The following SRGAP3 variants were observed in gnomAD, a reference collection of about 807,000 sequenced individuals.
SRGAP3 encodes the protein SLIT-ROBO Rho GTPase-activating protein 3.
A neutral mutation model predicts 121.1 loss-of-function variants in SRGAP3; 39 were observed. The ratio of observed to expected loss-of-function variants is 0.32; its 90% CI spans 0.25 to 0.42. SRGAP3 has a LOEUF of 0.42. Ranked by LOEUF, SRGAP3 falls within the 10% of genes least tolerant of loss-of-function variation. The probability of loss-of-function intolerance (pLI) is 1.00; values close to 1 mark genes in which losing one functional copy is unlikely to be tolerated. For synonymous variants in SRGAP3, 601 were observed against 570.0 expected (o/e 1.05, Z -0.77); for missense variants, 1,213 against 1,470.6 (o/e 0.82, Z 2.86).
At chr3:9,181,803 G>A (rs1336976358) in intron 1 of SRGAP3, among the ~76,000 whole-genome samples, 2 of 152,214 alleles carry the variant, frequency 1.3e-5, no homozygotes, top group Non-Finnish European at 2.9e-5. Flanking sequence ...AATTGTTACA[G>A]GTTGAACTCT....
At chr3:9,314,396 T>C (rs1955307755) in intron 3 of SRGAP3, among the ~76,000 whole-genome samples, 1 of 148,892 alleles carries the variant, frequency 6.7e-6, no homozygotes, top group African/African-American at 2.5e-5. Context: ...TCTCGAAGAA[T>C]AAAGAAGAGA....
intron 2 of SRGAP3, among the ~76,000 whole-genome samples, chr3:9,124,450 A>G (rs553121362): frequency 1.3e-5 from 2 of 152,286 alleles, no homozygotes; most frequent in East Asian, 3.9e-4. Flanking sequence ...TAACAGCAAC[A>G]ATTGATTGAG....
At chr3:9,053,337 T>C in intron 8 of SRGAP3, 113 bp from the exon 9 acceptor site, 1 of 1,070,908 alleles carries the variant, frequency 9.3e-7, no homozygotes, top group Admixed American at 2.0e-5. Context: ...CCCTAGGATA[T>C]AGGCAGAACA....
At chr3:9,244,458 A>T (rs952944007) in intron 1 of SRGAP3, among the ~76,000 whole-genome samples, 8 of 152,176 alleles carry the variant, frequency 5.3e-5, no homozygotes, top group African/African-American at 1.9e-4. Flanking sequence ...AAAGCACCAA[A>T]GTCAATCATT....
intron 1 of SRGAP3, among the ~76,000 whole-genome samples, chr3:9,173,785 C>T (rs1055070234): frequency 1.2e-4 from 18 of 152,096 alleles, no homozygotes; most frequent in East Asian, 9.7e-4. Flanking sequence ...ATTCTCTCCC[C>T]GAACACTGCT....
rs1054007348 is a variant in SRGAP3, at chr3:9,046,309, C to T, written c.1408+1082G>A. 1.9e-4 allele frequency among the ~76,000 whole-genome samples: 29 copies of T among 152,284 alleles called. 1 individual carries two copies. Among genetic ancestry groups the T allele is most frequent in the Admixed American group, 1.3e-3 (20 of 15,302 alleles). On this transcript the variant is annotated intron_variant, in intron 10 of 21. Transcript: ENST00000383836. The stretch of plus-strand genomic sequence containing the variant: ...GTGGGGTGCTGACTGCAAAGGAGCA[C>T]GAGGGAATTTTTGAGGGTGACTGAA...
At chr3:9,304,359 C>A (rs1955121431) in intron 3 of SRGAP3, among the ~76,000 whole-genome samples, 1 of 152,188 alleles carries the variant, frequency 6.6e-6, no homozygotes, top group Non-Finnish European at 1.5e-5. Context: ...TAGACTTTGG[C>A]TCCTTAGCAC....
At chr3:9,097,338 A>T (rs1948027296) in intron 3 of SRGAP3, among the ~76,000 whole-genome samples, 1 of 152,128 alleles carries the variant, frequency 6.6e-6, no homozygotes, top group Non-Finnish European at 1.5e-5. Context: ...TACCAGGTAG[A>T]CATTTCATAT....
chr3:9,086,454 G>C (rs1383485490), intron 3 of SRGAP3, among the ~76,000 whole-genome samples: 2 of 150,936 alleles, frequency 1.3e-5, no homozygotes, highest in Non-Finnish European at 3.0e-5. Flanking sequence ...TGGTAGGTAG[G>C]GGTTGCAGGG....
intron 1 of SRGAP3, among the ~76,000 whole-genome samples, chr3:9,232,202 CACTT>C (rs772078807): frequency 3.1e-4 from 47 of 152,322 alleles, no homozygotes; most frequent in South Asian, 1.2e-3. Context: ...TTGCAGGTGT[CACTT>C]TCTTTCTTTT....
intron 1 of SRGAP3, among the ~76,000 whole-genome samples, chr3:9,201,171 T>C (rs1284771242): frequency 6.6e-6 from 1 of 152,182 alleles, no homozygotes; most frequent in African/African-American, 2.4e-5. Flanking sequence ...AGACCAGACA[T>C]GAAGGACGGT....
Position 9,026,807 on chromosome 3 carries a change from CT to C in SRGAP3, c.1600+127del, listed in dbSNP as rs1944229390. 3.9e-6 allele frequency: 4 copies of C among 1,036,114 alleles called. No homozygotes were observed. The East Asian group carries it at 9.5e-5, about 25-fold the overall frequency. The allele number at this position is 1,036,114 out of a possible 1,614,324, so 64.2% of individuals were successfully genotyped here. On this transcript the variant is annotated intron_variant, in intron 13 of 21. Transcript: ENST00000383836. Reference sequence around the variant, plus strand: ...AGAAGAGCAGCTGCTGTGTGCAGTACTTTCCCCCTCCAAAGCAGAGCTGTGA... The same window carrying C: ...AGAAGAGCAGCTGCTGTGTGCAGTACTTCCCCCTCCAAAGCAGAGCTGTGA...
chr3:9,273,895 A>G (rs541892917), intron 3 of SRGAP3, among the ~76,000 whole-genome samples: 2 of 151,992 alleles, frequency 1.3e-5, no homozygotes, highest in Non-Finnish European at 2.9e-5. Context: ...AAAAATCATT[A>G]GACCATATAC....
At chr3:9,032,210 G>A (rs1053014034) in intron 12 of SRGAP3, among the ~76,000 whole-genome samples, 34 of 152,080 alleles carry the variant, frequency 2.2e-4, no homozygotes, top group African/African-American at 5.3e-4. Context: ...AAAAATTCAC[G>A]TGTATAAAAA....
intron 1 of SRGAP3, among the ~76,000 whole-genome samples, chr3:9,231,244 T>TG (rs972264587): frequency 6.0e-4 from 92 of 152,246 alleles, no homozygotes; most frequent in African/African-American, 2.0e-3. Flanking sequence ...ACTGGTGATC[T>TG]GGGGGGGCAT....
chr3:9,344,636 A>G (rs1184874642), intron 1 of SRGAP3, among the ~76,000 whole-genome samples: 1 of 89,162 alleles, frequency 1.1e-5, no homozygotes, highest in Non-Finnish European at 2.5e-5. Context: ...CCGTCTCAAA[A>G]ACAAAAAACA....
intron 18 of SRGAP3, chr3:9,008,477 GA>G (rs1943196303): frequency 6.6e-6 from 1 of 151,498 alleles, no homozygotes; most frequent in Non-Finnish European, 1.5e-5. Flanking sequence ...GCTACAGGGA[GA>G]GATAAAGAGA....
chr3:9,040,139 C>CT (rs577634024), intron 10 of SRGAP3, among the ~76,000 whole-genome samples: 1 of 152,190 alleles, frequency 6.6e-6, no homozygotes, highest in South Asian at 2.1e-4. Context: ...GGACGACTTT[C>CT]TTTTTAACTG....
At chr3:9,051,151 T>G (rs1386989094) in intron 9 of SRGAP3, among the ~76,000 whole-genome samples, 2 of 147,842 alleles carry the variant, frequency 1.4e-5, no homozygotes, top group Non-Finnish European at 3.0e-5. Context: ...CTCACCCTCC[T>G]GAATAGCTGG....
Sources: allele counts gnomAD v4.1 joint callset (sites outside exome capture counted in the v4.1 genomes callset), GRCh38; gene constraint gnomAD v4.1.1; transcripts MANE v1.5; gene names NCBI Gene and HGNC (gene_info 2026-07-23, HGNC 2026-07-21).